Variants in INPP4A observed in about 807,000 individuals in gnomAD.
The protein encoded by INPP4A is inositol polyphosphate-4-phosphatase type I A.
Under a neutral mutation model 119.8 loss-of-function variants are expected in INPP4A, and 33 were observed. The ratio of observed to expected loss-of-function variants is 0.28; its 90% confidence interval spans 0.21 to 0.37. The LOEUF (loss-of-function observed/expected upper bound fraction) is 0.37, where lower values mean the gene tolerates loss of function less well. Ranked by LOEUF, INPP4A falls within the 10% of genes least tolerant of loss-of-function variation. The pLI is 1.00. For synonymous variants in INPP4A, 496 were observed against 500.7 expected (o/e 0.99, Z 0.12); for missense variants, 956 against 1,289.9 (o/e 0.74, Z 3.97).
intron 1 of INPP4A, among the ~76,000 whole-genome samples, chr2:98,513,690 G>A (rs1284797740): frequency 6.6e-6 from 1 of 152,212 alleles, no homozygotes; most frequent in Non-Finnish European, 1.5e-5. Flanking sequence ...CTTTGGAGTG[G>A]AGCCTCCAGT....
At chr2:98,461,578 T>C (rs144122033) in intron 1 of INPP4A, among the ~76,000 whole-genome samples, 3,229 of 152,342 alleles carry the variant, frequency 0.021, 48 homozygotes, top group Non-Finnish European at 0.031. Flanking sequence ...GGCTTAAAAA[T>C]TGTAAAATAT....
intron 1 of INPP4A, among the ~76,000 whole-genome samples, chr2:98,470,417 T>C (rs986041700): frequency 2.7e-4 from 41 of 152,354 alleles, no homozygotes; most frequent in African/African-American, 9.6e-4. Flanking sequence ...TCTAAGTCCT[T>C]GCTCCTTAGT....
intron 1 of INPP4A, among the ~76,000 whole-genome samples, chr2:98,501,380 G>A (rs1222957889): frequency 1.3e-5 from 2 of 152,164 alleles, no homozygotes; most frequent in Non-Finnish European, 2.9e-5. Flanking sequence ...ACAGTACAAG[G>A]TCATGGTAGA....
At chr2:98,508,531 T>A (rs898808877) in intron 1 of INPP4A, among the ~76,000 whole-genome samples, 2 of 152,206 alleles carry the variant, frequency 1.3e-5, no homozygotes, top group Admixed American at 1.3e-4. Context: ...CCTTATCTCT[T>A]CAGTTCCCGG....
intron 1 of INPP4A, among the ~76,000 whole-genome samples, chr2:98,467,220 G>C (rs1289696809): frequency 1.3e-5 from 2 of 152,264 alleles, no homozygotes; most frequent in African/African-American, 4.8e-5. Context: ...TCAAAGCGGG[G>C]GGTGGTTGGG....
At chr2:98,528,055 A>G (rs1688498592) in intron 4 of INPP4A, among the ~76,000 whole-genome samples, 1 of 152,190 alleles carries the variant, frequency 6.6e-6, no homozygotes, top group African/African-American at 2.4e-5. Flanking sequence ...AACCATCCCT[A>G]GGAGGCACAA....
Position 98,546,437 on chromosome 2 carries a change from G to C in INPP4A, c.1055-149G>C, listed in dbSNP as rs1275583159. ...GGCACTGGGCTCCAGCAGACCCTTG[G>C]GCAGCCAGGGCTGTGGGATCAGGGG... On this transcript the variant is annotated intron_variant, in intron 12 of 24. Coordinates refer to ENST00000409851, the MANE Select transcript of INPP4A (RefSeq NM_001134225.2). The surrounding 1 kb of genome is among the most constrained non-coding windows in gnomAD (Gnocchi z 4.2). 1 of 613,108 alleles carries C rather than the reference G, an allele frequency of 1.6e-6. No homozygotes were observed. The highest frequency in any genetic ancestry group is 1.9e-5 in the African/African-American group (1 of 53,930). The allele number at this position is 613,108 out of a possible 1,614,324, so 38.0% of individuals were successfully genotyped here. A position where few individuals can be genotyped will look rare whatever the true frequency, so the allele number is the denominator to read the frequency against.
At chr2:98,520,770 T>C in intron 4 of INPP4A, 39 bp downstream of exon 4, 1 of 1,198,936 alleles carries the variant, frequency 8.3e-7, no homozygotes, top group Non-Finnish European at 1.2e-6. Context: ...TAAAAAATAT[T>C]TTACTTAAAA....
In INPP4A at chr2:98,504,239, A is replaced by G. The variant is rs144155192; in HGVS notation, c.-165-14725A>G. 3.9e-3 allele frequency among the ~76,000 whole-genome samples: 590 copies of G among 152,308 alleles called. 3 individuals carry two copies. Among genetic ancestry groups the G allele is most frequent in the Non-Finnish European group, 6.5e-3 (442 of 68,016 alleles). ...AACCCTCTCTCCAGGAAGGTCCTAT[A>G]TAAACATCAGGACTGCTTGCTGCCC... On this transcript the variant is annotated intron_variant, in intron 1 of 24. Transcript: ENST00000409851.
intron 1 of INPP4A, among the ~76,000 whole-genome samples, chr2:98,508,709 A>C (rs1286784095): frequency 6.6e-6 from 1 of 152,216 alleles, no homozygotes; most frequent in East Asian, 1.9e-4. Context: ...AAGTGGTTTC[A>C]AGTGACAATG....
In INPP4A at chr2:98,588,121, G is replaced by C. The variant is rs954053580; in HGVS notation, c.*513G>C. 1.4e-5 allele frequency: 3 copies of C among 212,462 alleles called. No individual in the cohort carries two copies. Among genetic ancestry groups the C allele is most frequent in the African/African-American group, 2.3e-5 (1 of 44,234 alleles). The allele number at this position is 212,462 out of a possible 1,614,324, so 13.2% of individuals were successfully genotyped here. ...AAGCTAGCACTATCTCATGCAGTGA[G>C]AATAACGGGTTCTAGTGAATTATCC... On this transcript the variant is annotated 3_prime_UTR_variant, in exon 25 of 25. Transcript: ENST00000409851.
At chr2:98,567,318 AG>A (rs1195288572) in intron 21 of INPP4A, among the ~76,000 whole-genome samples, 1 of 152,018 alleles carries the variant, frequency 6.6e-6, no homozygotes, top group East Asian at 1.9e-4. Flanking sequence ...GCTGAGTGGG[AG>A]GAGAGTACAC....
At position 98,555,718 on chromosome 2, in the gene INPP4A, A is replaced by G. The variant is rs1694340803; in HGVS notation, c.1732A>G (p.Ile578Val). Residue 578 changes from isoleucine to valine, a missense_variant, in exon 16 of 25, where the codon ATC becomes GTC. Ile to Val is a conservative substitution (Grantham distance 29). Transcript: ENST00000409851. ...TAACCCGGACAGCCACGCCTACTGG[A>G]TCAGACCAGAAGACCCCTTCTGTGA... ...KGNPDSHAYW[I>V]RPEDPFCDVP... 8.1e-6 allele frequency: 13 copies of G among 1,610,924 alleles called. No homozygotes were observed. The highest frequency in any genetic ancestry group is 1.1e-5 in the Non-Finnish European group (13 of 1,178,418).
chr2:98,537,060 T>C (rs1179006748), intron 7 of INPP4A, among the ~76,000 whole-genome samples: 1 of 152,210 alleles, frequency 6.6e-6, no homozygotes, highest in Non-Finnish European at 1.5e-5. Flanking sequence ...GAGTTAAATG[T>C]ACAAAATAGA....
chr2:98,459,143 G>A (rs1022745866), intron 1 of INPP4A, among the ~76,000 whole-genome samples: 1 of 152,374 alleles, frequency 6.6e-6, no homozygotes, highest in Non-Finnish European at 1.5e-5. Context: ...AGACAAGATG[G>A]ATAGTTCAGG....
At chr2:98,467,092 G>A (rs966219297) in intron 1 of INPP4A, among the ~76,000 whole-genome samples, 8 of 152,140 alleles carry the variant, frequency 5.3e-5, no homozygotes, top group Non-Finnish European at 1.0e-4. Context: ...GGGAGCTGTC[G>A]TGTGCTGAGC....
chr2:98,515,612 A>C (rs1685967123), intron 1 of INPP4A, among the ~76,000 whole-genome samples: 1 of 152,216 alleles, frequency 6.6e-6, no homozygotes, highest in Non-Finnish European at 1.5e-5. Flanking sequence ...TTTAAAAATT[A>C]TTCTTAGAAG....
chr2:98,513,220 A>C (rs543311394), intron 1 of INPP4A, among the ~76,000 whole-genome samples: 2 of 152,130 alleles, frequency 1.3e-5, no homozygotes, highest in African/African-American at 4.8e-5. Context: ...TTTATGACCC[A>C]TGCCAACCCC....
chr2:98,531,423 A>G (rs1347006238), intron 4 of INPP4A, among the ~76,000 whole-genome samples: 1 of 152,250 alleles, frequency 6.6e-6, no homozygotes, highest in East Asian at 1.9e-4. Context: ...TGAGAGGTCT[A>G]ATGTTACATT....
Sources: gnomAD v4.1 joint callset for allele counts (sites outside exome capture counted in the v4.1 genomes callset) on GRCh38, gnomAD v4.1.1 for gene constraint, Gnocchi (gnomAD v3.1) non-coding constraint, MANE v1.5 for transcripts, NCBI Gene and HGNC (gene_info 2026-07-23, HGNC 2026-07-21) for gene names.